The following RASEF variants were observed in gnomAD, a reference collection of about 807,000 sequenced individuals.
RASEF encodes ras and EF-hand domain-containing protein.
Under a neutral mutation model 90.1 loss-of-function variants are expected in RASEF, and 68 were observed. That is an observed-to-expected ratio of 0.75 (90% CI 0.62 to 0.92). The LOEUF (loss-of-function observed/expected upper bound fraction) is 0.92, where lower values mean the gene tolerates loss of function less well. Among genes scored for constraint, RASEF ranks in the 40% least tolerant of loss-of-function variants. The pLI, the probability that RASEF is intolerant of heterozygous loss-of-function variation, is 0.00. For synonymous variants in RASEF, 331 were observed against 345.2 expected (o/e 0.96, Z 0.46); for missense variants, 949 against 937.2 (o/e 1.01, Z -0.16).
rs10538467 is a variant in RASEF at position 82,982,385 on chromosome 9, A to ATTTCT, written c.*287_*291dup. On this transcript the variant is annotated 3_prime_UTR_variant, in exon 17 of 17. Transcript: ENST00000376447. Reference sequence around the variant, plus strand: ...TCTACAGCTTTGATCTGAGCATGTGATTTCTTTTCTTTTCTTTTTTTTTAC... The same window carrying ATTTCT: ...TCTACAGCTTTGATCTGAGCATGTGATTTCTTTTCTTTTCTTTTCTTTTTTTTTAC... 6 of 212,094 alleles carry ATTTCT rather than the reference A, an allele frequency of 2.8e-5. No homozygotes were observed. Among genetic ancestry groups the ATTTCT allele is most frequent in the Non-Finnish European group, 4.7e-5 (5 of 106,236 alleles). The allele number at this position is 212,094 out of a possible 1,614,324, so 13.1% of individuals were successfully genotyped here.
chr9:83,012,433 C>A lies in RASEF; in HGVS notation c.843+1G>T. Reference sequence around the variant, plus strand: ...TCTGTAAGTGAAAAGGTAATTCTTACCATTGATAAATCATAAATTTGTTTT... The same window carrying A: ...TCTGTAAGTGAAAAGGTAATTCTTAACATTGATAAATCATAAATTTGTTTT... On this transcript the variant is annotated splice_donor_variant, in intron 5 of 16. Coordinates refer to ENST00000376447, the MANE Select transcript of RASEF (RefSeq NM_152573.4). LOFTEE classifies it high-confidence loss of function. 3 of 1,514,282 alleles carry A rather than the reference C, an allele frequency of 2.0e-6. No homozygotes were observed. Among genetic ancestry groups the A allele is most frequent in the South Asian group, 2.4e-5 (2 of 83,756 alleles). The allele number at this position is 1,514,282 out of a possible 1,614,324, so 93.8% of individuals were successfully genotyped here.
chr9:83,087,413 C>CTCTCTCTCTCTT, the RASEF span, among the ~76,000 whole-genome samples: 1 of 147,242 alleles, frequency 6.8e-6, no homozygotes, highest in African/African-American at 2.6e-5. Context: ...CATTCTCTCT[C>CTCTCTCTCTCTT]TCTCTCTCTC....
chr9:82,989,233 T>A (rs902840911), intron 16 of RASEF, among the ~76,000 whole-genome samples: 4 of 152,002 alleles, frequency 2.6e-5, no homozygotes, highest in African/African-American at 9.7e-5. Flanking sequence ...TGTGTGCGTG[T>A]GTGTGTGTGT....
chr9:83,205,055 C>T, the RASEF span, among the ~76,000 whole-genome samples: 1 of 152,202 alleles, frequency 6.6e-6, no homozygotes, highest in African/African-American at 2.4e-5. Context: ...CATGATTCAT[C>T]CAAATCTTTG....
At chr9:83,206,807 A>G in the RASEF span, among the ~76,000 whole-genome samples, 4 of 152,270 alleles carry the variant, frequency 2.6e-5, no homozygotes, top group South Asian at 4.1e-4. Context: ...ATTTCATACC[A>G]TAGTTGCCTT....
chr9:83,046,485 T>G (rs1294630969), intron 1 of RASEF, among the ~76,000 whole-genome samples: 2 of 152,174 alleles, frequency 1.3e-5, no homozygotes, highest in African/African-American at 4.8e-5. Context: ...ATTCATTCAT[T>G]AGCATCCCCA....
At chr9:82,997,475 G>A (rs1828943353) in intron 13 of RASEF, among the ~76,000 whole-genome samples, 1 of 152,178 alleles carries the variant, frequency 6.6e-6, no homozygotes, top group African/African-American at 2.4e-5. Flanking sequence ...CACAGAGGAG[G>A]CTGGAAGGAG....
the RASEF span, among the ~76,000 whole-genome samples, chr9:83,093,911 A>C: frequency 3.9e-5 from 6 of 152,242 alleles, no homozygotes; most frequent in Non-Finnish European, 5.9e-5. Flanking sequence ...ACAGAATGAT[A>C]GCTTCATAAA....
At chr9:83,186,976 G>A in the RASEF span, among the ~76,000 whole-genome samples, 4 of 151,886 alleles carry the variant, frequency 2.6e-5, no homozygotes, top group African/African-American at 9.7e-5. Flanking sequence ...CCAGAGCCTC[G>A]CCTGCTCCAT....
intron 14 of RASEF, among the ~76,000 whole-genome samples, chr9:82,995,404 A>G (rs892949061): frequency 6.6e-6 from 1 of 152,164 alleles, no homozygotes; most frequent in Non-Finnish European, 1.5e-5. Context: ...CCATTTGTTC[A>G]CTTGAGTAGC....
chr9:83,217,030 T>G, the RASEF span, among the ~76,000 whole-genome samples: 1 of 152,166 alleles, frequency 6.6e-6, no homozygotes. Context: ...AGCCCACTTC[T>G]TGCATCAGCA....
intron 3 of RASEF, among the ~76,000 whole-genome samples, chr9:83,018,830 A>G (rs1829392204): frequency 6.6e-6 from 1 of 152,190 alleles, no homozygotes; most frequent in Non-Finnish European, 1.5e-5. Flanking sequence ...CAATCAATGG[A>G]ACAGAACAGA....
the RASEF span, among the ~76,000 whole-genome samples, chr9:83,168,916 G>C: frequency 6.6e-6 from 1 of 151,950 alleles, no homozygotes; most frequent in Non-Finnish European, 1.5e-5. Flanking sequence ...TACTTTCCTA[G>C]TGAACACTGG....
the RASEF span, among the ~76,000 whole-genome samples, chr9:83,212,239 A>G: frequency 3.3e-5 from 5 of 152,296 alleles, no homozygotes; most frequent in Non-Finnish European, 7.4e-5. Flanking sequence ...GTAGATAGGA[A>G]AGCCAGAATT....
chr9:83,217,591 C>G, the RASEF span, among the ~76,000 whole-genome samples: 1 of 152,298 alleles, frequency 6.6e-6, no homozygotes, highest in East Asian at 1.9e-4. Context: ...CCCTTGCACA[C>G]ACTCTCTTGC....
chr9:83,111,221 C>T, the RASEF span, among the ~76,000 whole-genome samples: 1 of 152,214 alleles, frequency 6.6e-6, no homozygotes, highest in South Asian at 2.1e-4. Context: ...AAATTGCATG[C>T]AATGAAATAC....
chr9:83,078,063 C>G, the RASEF span, among the ~76,000 whole-genome samples: 4 of 152,304 alleles, frequency 2.6e-5, no homozygotes, highest in Admixed American at 2.6e-4. Context: ...GGGGCAGCAG[C>G]ATCATCACCA....
chr9:83,114,861 T>C, the RASEF span, among the ~76,000 whole-genome samples: 4 of 152,212 alleles, frequency 2.6e-5, no homozygotes, highest in Non-Finnish European at 4.4e-5. Context: ...CACGGTCCTG[T>C]GGTCCTGTGA....
At chr9:83,164,711 A>C in the RASEF span, among the ~76,000 whole-genome samples, 1 of 151,838 alleles carries the variant, frequency 6.6e-6, no homozygotes, top group Non-Finnish European at 1.5e-5. Flanking sequence ...TTTAAACATC[A>C]ATGATCTAAA....
Sources: gnomAD v4.1 joint callset for allele counts (sites outside exome capture counted in the v4.1 genomes callset) on GRCh38, gnomAD v4.1.1 for gene constraint, MANE v1.5 for transcripts, NCBI Gene and HGNC (gene_info 2026-07-23, HGNC 2026-07-21) for gene names.